The following MED17 variants were observed in gnomAD, a reference collection of about 807,000 sequenced individuals.
MED17 encodes the protein mediator of RNA polymerase II transcription subunit 17.
A neutral mutation model predicts 80.8 loss-of-function variants in MED17; 49 were observed. That is an observed-to-expected ratio of 0.61 (90% CI 0.48 to 0.77). MED17 has a LOEUF of 0.77. Ranked by LOEUF, MED17 falls within the 30% of genes least tolerant of loss-of-function variation. The pLI, the probability that MED17 is intolerant of heterozygous loss-of-function variation, is 0.00. For synonymous variants in MED17, 281 were observed against 280.4 expected, an observed-to-expected ratio of 1.00 and a Z score of -0.02; for missense variants, 718 against 787.0, an observed-to-expected ratio of 0.91 and a Z score of 1.05.
At chr11:93,786,398 G>C (rs576194344) in intron 1 of MED17, among the ~76,000 whole-genome samples, 1 of 152,220 alleles carries the variant, frequency 6.6e-6, no homozygotes, top group South Asian at 2.1e-4. Context: ...AATGTGAACT[G>C]GTAGTGATTC....
chr11:93,795,807 C>T (rs1943893105), intron 6 of MED17: 2 of 155,214 alleles, frequency 1.3e-5, no homozygotes, highest in South Asian at 2.0e-4. Flanking sequence ...AGACTGCCTA[C>T]CTACTCTTAT....
chr11:93,799,163 T>A (rs1943935434), intron 8 of MED17, among the ~76,000 whole-genome samples: 1 of 147,526 alleles, frequency 6.8e-6, no homozygotes, highest in African/African-American at 2.5e-5. Context: ...TAGTGAGACC[T>A]TGTCTCTACA....
At chr11:93,807,754 A>G in intron 10 of MED17, 119 bp downstream of exon 10, 1 of 760,136 alleles carries the variant, frequency 1.3e-6, no homozygotes. Context: ...ATTTTTTTCC[A>G]GTAGAAATTA....
Position 93,801,515 on chromosome 11 carries a change from T to A in MED17, c.1329-320T>A, listed in dbSNP as rs140709044. On this transcript the variant is annotated intron_variant, in intron 8 of 11. Coordinates refer to ENST00000251871, the MANE Select transcript of MED17 (RefSeq NM_004268.5). ...GGTTTATACCGTAGAATATCGAATATCCTTCTCACTCATTTCCTGATAAGC... is the reference window on the plus strand; with the variant it reads ...GGTTTATACCGTAGAATATCGAATAACCTTCTCACTCATTTCCTGATAAGC... The A allele has an allele frequency of 3.1e-4, 103 of 333,542 alleles. 1 individual carries two copies. Among genetic ancestry groups the A allele is most frequent in the African/African-American group, 2.1e-3 (100 of 47,568 alleles). 20.7% of individuals were successfully genotyped at this position (333,542 alleles called of 1,614,324 possible). A position where few individuals can be genotyped will look rare whatever the true frequency, so the allele number is the denominator to read the frequency against.
At chr11:93,788,221 C>A in intron 2 of MED17, 54 bp downstream of exon 2, 8 of 1,494,180 alleles carry the variant, frequency 5.4e-6, no homozygotes, top group Non-Finnish European at 7.3e-6. Flanking sequence ...ATCCCAGGAC[C>A]CTTTTTTGGC....
rs1354607038 is a variant in MED17, at chr11:93,809,819, A to G, written c.1687A>G (p.Ile563Val). 6.8e-6 allele frequency: 11 copies of G among 1,614,074 alleles called. No individual in the cohort carries two copies. Among genetic ancestry groups the G allele is most frequent in the Admixed American group, 1.7e-5 (1 of 60,002 alleles). ...TGTGGGACTTGGACCTATAGAGAGC[A>G]TTGGTAATGCATCTGCCATCACGGT... ...NHVGLGPIES[I>V]GNASAITVAS... Residue 563 changes from isoleucine to valine, a missense_variant, in exon 11 of 12, where the codon ATT becomes GTT. Transcript: ENST00000251871.
At chr11:93,789,846 C>T (rs1193430987) in intron 2 of MED17, 1 of 150,360 alleles carries the variant, frequency 6.7e-6, no homozygotes. Context: ...GGAGTCCCAG[C>T]TTCTCAAGAA....
intron 1 of MED17, among the ~76,000 whole-genome samples, chr11:93,787,164 A>C (rs371143981): frequency 7.9e-5 from 12 of 152,294 alleles, no homozygotes; most frequent in African/African-American, 2.9e-4. Flanking sequence ...CTGTAATCCC[A>C]GCACTTTCGG....
At chr11:93,792,627 C>T (rs1943849617) in intron 3 of MED17, among the ~76,000 whole-genome samples, 1 of 152,116 alleles carries the variant, frequency 6.6e-6, no homozygotes, top group Non-Finnish European at 1.5e-5. Flanking sequence ...TCCTGACCTA[C>T]ACAAAAACAC....
chr11:93,796,903 A>G, intron 7 of MED17: 1 of 297,188 alleles, frequency 3.4e-6, no homozygotes, highest in Non-Finnish European at 6.5e-6. Context: ...CAGATCATCT[A>G]CAACTGTTTA....
chr11:93,804,629 G>A (rs1284857559), intron 9 of MED17, among the ~76,000 whole-genome samples: 1 of 152,122 alleles, frequency 6.6e-6, no homozygotes, highest in African/African-American at 2.4e-5. Context: ...GCATGTAGAA[G>A]TTATGTAACC....
intron 9 of MED17, among the ~76,000 whole-genome samples, chr11:93,802,838 G>T (rs765908034): frequency 2.6e-5 from 4 of 152,180 alleles, no homozygotes; most frequent in African/African-American, 4.8e-5. Flanking sequence ...TCATAGGAAT[G>T]CAGTCTACTT....
chr11:93,804,089 C>G (rs1276244926), intron 9 of MED17, among the ~76,000 whole-genome samples: 2 of 150,662 alleles, frequency 1.3e-5, no homozygotes, highest in Non-Finnish European at 2.9e-5. Flanking sequence ...AGTATTAACT[C>G]ACAGGATCAG....
rs1377892187 is a variant in MED17 at position 93,800,437 on chromosome 11, T to C, written c.1329-1398T>C. 2.0e-5 allele frequency among the ~76,000 whole-genome samples: 3 copies of C among 152,246 alleles called. No homozygotes were observed. In the East Asian group the frequency reaches 5.8e-4, roughly 29 times the overall value. The stretch of plus-strand genomic sequence containing the variant: ...TGAGGTCAGGAGTTCTACACCAGCC[T>C]GGCCAACATGGCGAAACCTCGTTTC... On this transcript the variant is annotated intron_variant, in intron 8 of 11. Coordinates refer to ENST00000251871, the MANE Select transcript of MED17 (RefSeq NM_004268.5).
chr11:93,808,990 C>T (rs1944058846), intron 10 of MED17: 1 of 153,952 alleles, frequency 6.5e-6, no homozygotes, highest in Non-Finnish European at 1.4e-5. Context: ...AGGTGGCAGA[C>T]TCAGGAGGAT....
In MED17 at chr11:93,796,424, A is replaced by C. The variant is rs753124520; in HGVS notation, c.1027A>C (p.Ile343Leu). 2.5e-6 allele frequency: 4 copies of C among 1,612,844 alleles called. No homozygotes were observed. The South Asian group carries it at 4.4e-5, about 18-fold the overall frequency. The change falls in exon 7 of 12, where the codon ATT (isoleucine) becomes CTT (leucine). Residue 343 changes from isoleucine to leucine, a missense_variant. Physicochemically the swap from Ile to Leu is conservative, Grantham distance 5. Coordinates refer to ENST00000251871, the MANE Select transcript of MED17 (RefSeq NM_004268.5). ...SQPFPSLQLSISLCHSSNDKK... is the reference protein window; with the variant it reads ...SQPFPSLQLSLSLCHSSNDKK... Reference sequence around the variant, plus strand: ...TTTATAAATAGGCTTGCAGTTATCTATTTCTTTGTGCCATTCCTCAAATGA... The same window carrying C: ...TTTATAAATAGGCTTGCAGTTATCTCTTTCTTTGTGCCATTCCTCAAATGA...
intron 10 of MED17, 80 bp from the exon 11 acceptor site, chr11:93,809,637 A>C: frequency 6.7e-7 from 1 of 1,494,172 alleles, no homozygotes; most frequent in Non-Finnish European, 9.3e-7. Flanking sequence ...CCCCAACAAA[A>C]GTTTACTTCA....
intron 3 of MED17, among the ~76,000 whole-genome samples, chr11:93,792,148 C>T (rs1285950547): frequency 6.6e-6 from 1 of 152,046 alleles, no homozygotes. Flanking sequence ...GGGGAGGAGG[C>T]AAGAAGTCTT....
At chr11:93,790,983 C>T (rs1943830120) in intron 3 of MED17, among the ~76,000 whole-genome samples, 190 bp downstream of exon 3, 1 of 152,178 alleles carries the variant, frequency 6.6e-6, no homozygotes, top group African/African-American at 2.4e-5. Context: ...TAACACGCAC[C>T]TGTAATCCTA....
Sources: allele counts gnomAD v4.1 joint callset (sites outside exome capture counted in the v4.1 genomes callset), GRCh38; gene constraint gnomAD v4.1.1; transcripts MANE v1.5; gene names NCBI Gene and HGNC (gene_info 2026-07-23, HGNC 2026-07-21).